The following TNIK variants were observed in gnomAD, a reference collection of about 807,000 sequenced individuals.
TNIK encodes TRAF2 and NCK interacting kinase, also known as TRAF2 and NCK-interacting protein kinase.
TNIK carries 49 observed loss-of-function variants against 191.3 expected under a neutral mutation model. The observed-to-expected ratio is 0.26, with a 90% CI of 0.20 to 0.32. The LOEUF is 0.32. TNIK is among the 10% of genes least tolerant of loss of function. The pLI, the probability that TNIK is intolerant of heterozygous loss-of-function variation, is 1.00. For missense variants in TNIK, 1,155 were observed against 1,702.3 expected (o/e 0.68, Z 5.66); for synonymous variants, 594 against 600.9 (o/e 0.99, Z 0.17).
At chr3:171,140,035 T>C (rs1281943582) in intron 13 of TNIK, among the ~76,000 whole-genome samples, 3 of 152,214 alleles carry the variant, frequency 2.0e-5, no homozygotes, top group Non-Finnish European at 4.4e-5. Flanking sequence ...CCTGCATCAA[T>C]GACTCAAAGT....
intron 2 of TNIK, among the ~76,000 whole-genome samples, chr3:171,265,736 A>T (rs7635498): frequency 6.6e-6 from 1 of 152,222 alleles, no homozygotes; most frequent in Non-Finnish European, 1.5e-5. Flanking sequence ...AATGTAATTA[A>T]TCAAGGTTAC....
Position 171,159,599 on chromosome 3 carries a change from C to T in TNIK, c.1016+1671G>A, listed in dbSNP as rs1486198096. On this transcript the variant is annotated intron_variant, in intron 11 of 32. Coordinates refer to ENST00000436636, the MANE Select transcript of TNIK (RefSeq NM_015028.4). The surrounding 1 kb of genome is among the most constrained non-coding windows in gnomAD (Gnocchi z 4.1). ...TGTGCAGAGGGGAGGGACTTGGGAA[C>T]CCAGCCTCCCATGCACACGAGGATG... Among the ~76,000 whole-genome samples the T allele has an allele frequency of 6.6e-6, 1 of 152,122 alleles. No individual in the cohort carries two copies. Among genetic ancestry groups the T allele is most frequent in the Non-Finnish European group, 1.5e-5 (1 of 68,022 alleles).
At chr3:171,229,585 A>C (rs1053788508) in intron 2 of TNIK, among the ~76,000 whole-genome samples, 3 of 152,084 alleles carry the variant, frequency 2.0e-5, no homozygotes, top group Non-Finnish European at 2.9e-5. Flanking sequence ...TTGTGTTCTT[A>C]AATCCTTTCC....
intron 29 of TNIK, 88 bp downstream of exon 29, chr3:171,071,135 G>T: frequency 3.5e-6 from 3 of 849,158 alleles, no homozygotes; most frequent in Non-Finnish European, 5.1e-6. Flanking sequence ...TATGAAAATT[G>T]GTATTGGTCT....
intron 2 of TNIK, among the ~76,000 whole-genome samples, chr3:171,260,028 T>G (rs1337411531): frequency 6.6e-6 from 1 of 152,164 alleles, no homozygotes; most frequent in Non-Finnish European, 1.5e-5. Flanking sequence ...AAAAGAACCC[T>G]GCTAAGTCAG....
intron 7 of TNIK, among the ~76,000 whole-genome samples, chr3:171,179,431 T>C (rs1356643910): frequency 6.6e-6 from 1 of 151,724 alleles, no homozygotes; most frequent in African/African-American, 2.4e-5. Flanking sequence ...AAAAACGCAG[T>C]TCTATTGTAC....
intron 2 of TNIK, among the ~76,000 whole-genome samples, chr3:171,270,968 A>G (rs1173634411): frequency 6.6e-6 from 1 of 152,212 alleles, no homozygotes; most frequent in Non-Finnish European, 1.5e-5. Flanking sequence ...AGTGCATTTA[A>G]TACAACACTC....
intron 2 of TNIK, among the ~76,000 whole-genome samples, chr3:171,361,331 C>T (rs1016821586): frequency 2.0e-5 from 3 of 152,190 alleles, no homozygotes; most frequent in Non-Finnish European, 4.4e-5. Context: ...CACACAGTCC[C>T]TGTATCAAGT....
chr3:171,372,476 C>T (rs1414109709), intron 1 of TNIK, among the ~76,000 whole-genome samples: 2 of 152,190 alleles, frequency 1.3e-5, no homozygotes, highest in African/African-American at 4.8e-5. Context: ...AAAGGAAGAA[C>T]TGGACTGAGC....
intron 12 of TNIK, among the ~76,000 whole-genome samples, chr3:171,143,421 A>G (rs1731117902): frequency 6.6e-6 from 1 of 152,216 alleles, no homozygotes; most frequent in South Asian, 2.1e-4. Context: ...TCTGAGGGCA[A>G]GGCCAGTGCT....
intron 1 of TNIK, among the ~76,000 whole-genome samples, chr3:171,402,186 A>ACCT (rs1721033377): frequency 2.0e-5 from 3 of 152,228 alleles, no homozygotes; most frequent in African/African-American, 7.2e-5. Flanking sequence ...AAGACTTAAG[A>ACCT]AATTGAATGG....
intron 2 of TNIK, among the ~76,000 whole-genome samples, chr3:171,335,384 C>A (rs1756860084): frequency 6.6e-6 from 1 of 152,066 alleles, no homozygotes; most frequent in African/African-American, 2.4e-5. Flanking sequence ...AGTCACATAA[C>A]CACCACAATT....
intron 2 of TNIK, among the ~76,000 whole-genome samples, chr3:171,356,187 A>G (rs933467031): frequency 1.1e-4 from 15 of 141,474 alleles, no homozygotes; most frequent in African/African-American, 3.0e-4. Flanking sequence ...TCTGGGGGGA[A>G]AAAAAAATCA....
intron 8 of TNIK, among the ~76,000 whole-genome samples, chr3:171,176,628 TTG>T (rs1735990464): frequency 6.6e-6 from 1 of 152,232 alleles, no homozygotes; most frequent in Non-Finnish European, 1.5e-5. Context: ...CAAAGGAATC[TTG>T]TGTCCTCCAG....
chr3:171,224,893 T>C (rs1186130900), intron 3 of TNIK, among the ~76,000 whole-genome samples: 2 of 152,156 alleles, frequency 1.3e-5, no homozygotes, highest in Non-Finnish European at 2.9e-5. Context: ...TGTTGGCAAA[T>C]TTGGAAGTGT....
intron 17 of TNIK, among the ~76,000 whole-genome samples, chr3:171,124,730 T>C (rs1728231917): frequency 6.6e-6 from 1 of 152,208 alleles, no homozygotes; most frequent in South Asian, 2.1e-4. Flanking sequence ...TTACCATAAA[T>C]GTACATAGTT....
At chr3:171,389,866 T>C (rs1387471775) in intron 1 of TNIK, among the ~76,000 whole-genome samples, 2 of 152,186 alleles carry the variant, frequency 1.3e-5, no homozygotes, top group African/African-American at 4.8e-5. Context: ...TTACAACAAA[T>C]TCCCTGACAA....
chr3:171,296,371 C>G (rs549007052), intron 2 of TNIK, among the ~76,000 whole-genome samples: 1 of 152,292 alleles, frequency 6.6e-6, no homozygotes, highest in East Asian at 1.9e-4. Context: ...ACCCTTCCCC[C>G]CAACACACCC....
At chr3:171,403,801 AT>A (rs1187450303) in intron 1 of TNIK, among the ~76,000 whole-genome samples, 1 of 152,176 alleles carries the variant, frequency 6.6e-6, no homozygotes, top group African/African-American at 2.4e-5. Context: ...TGTTGTTTTA[AT>A]TTCTAAACCA....
Sources: gnomAD v4.1 joint callset for allele counts (sites outside exome capture counted in the v4.1 genomes callset) on GRCh38, gnomAD v4.1.1 for gene constraint, Gnocchi (gnomAD v3.1) non-coding constraint, MANE v1.5 for transcripts, NCBI Gene and HGNC (gene_info 2026-07-23, HGNC 2026-07-21) for gene names.